UNC80: variants seen among roughly 807,000 people sequenced by gnomAD.
UNC80 encodes unc-80 subunit of NALCN channel complex.
Under a neutral mutation model 384.6 loss-of-function variants are expected in UNC80, and 164 were observed. The observed-to-expected ratio is 0.43, with a 90% CI of 0.38 to 0.49. UNC80 has a LOEUF of 0.49. UNC80 is among the 20% of genes least tolerant of loss of function. The pLI is 0.00. For synonymous variants in UNC80, 1,486 were observed against 1,527.8 expected, an observed-to-expected ratio of 0.97 and a Z score of 0.64; for missense variants, 3,330 against 4,143.0, an observed-to-expected ratio of 0.80 and a Z score of 5.39.
At chr2:209,912,011 A>G (rs1186605512) in intron 29 of UNC80, among the ~76,000 whole-genome samples, 1 of 152,194 alleles carries the variant, frequency 6.6e-6, no homozygotes, top group Non-Finnish European at 1.5e-5. Context: ...TTGATAATGG[A>G]TACTATGAAC....
At chr2:209,993,524 C>CCTCCCCAAAGGTGTGCTT in intron 63 of UNC80, 98 bp downstream of exon 63, 1 of 1,002,706 alleles carries the variant, frequency 1.0e-6, no homozygotes, top group Non-Finnish European at 1.5e-6. Flanking sequence ...GAGATAAGCA[C>CCTCCCCAAAGGTGTGCTT]ACCTTTGGGG....
intron 31 of UNC80, among the ~76,000 whole-genome samples, chr2:209,914,649 C>G (rs2089316900): frequency 7.8e-6 from 1 of 128,406 alleles, no homozygotes; most frequent in Non-Finnish European, 1.6e-5. Context: ...CTAGGGTAAA[C>G]TGTGTGTGTG....
intron 21 of UNC80, among the ~76,000 whole-genome samples, chr2:209,849,234 T>C (rs932702782): frequency 3.3e-5 from 5 of 152,106 alleles, no homozygotes; most frequent in Non-Finnish European, 5.9e-5. Flanking sequence ...TTAGGTAAAA[T>C]CTTACATTTT....
chr2:209,897,217 T>C (rs950933803), intron 28 of UNC80, among the ~76,000 whole-genome samples: 3 of 152,144 alleles, frequency 2.0e-5, no homozygotes, highest in African/African-American at 7.2e-5. Context: ...CTGAAAAGCA[T>C]ACTAAACCTA....
At chr2:209,988,404 C>A (rs781137280) in intron 61 of UNC80, among the ~76,000 whole-genome samples, 2 of 152,130 alleles carry the variant, frequency 1.3e-5, no homozygotes, top group Non-Finnish European at 2.9e-5. Context: ...ATACTTCAAT[C>A]TATAATTTTT....
intron 47 of UNC80, among the ~76,000 whole-genome samples, chr2:209,952,813 G>T (rs561498367): frequency 1.3e-5 from 2 of 152,102 alleles, no homozygotes; most frequent in African/African-American, 4.8e-5. Flanking sequence ...AAGCAGAACC[G>T]ACTTCTTGCC....
chr2:209,809,563 T>C (rs2079183077), intron 7 of UNC80: 5 of 884,984 alleles, frequency 5.6e-6, no homozygotes, highest in Non-Finnish European at 9.3e-6. Flanking sequence ...GTCGGGCTGC[T>C]CAGGGGGCCC....
In UNC80 at chr2:209,872,790, C is replaced by T; in HGVS notation, c.3660C>T (p.Phe1220=). 6.4e-7 allele frequency: 1 copy of T among 1,551,476 alleles called. No individual in the cohort carries two copies. Among genetic ancestry groups the T allele is most frequent in the Non-Finnish European group, 8.7e-7 (1 of 1,146,826 alleles). The part of the protein sequence containing the change: ...EAPVVARAAL[F]LECARFVHRC... ...CTGTGGTGGCCAGAGCAGCCTTGTT[C>T]CTGGAATGTGCTCGTTTTGTTCACC... Residue 1220 remains phenylalanine, a synonymous_variant, in exon 23 of 65, where the codon TTC becomes TTT. Transcript: ENST00000673920. The surrounding 1 kb of genome is among the most constrained non-coding windows in gnomAD (Gnocchi z 4.1).
In UNC80 at chr2:209,777,532, G is replaced by C. The variant is rs923500301; in HGVS notation, c.573G>C (p.Leu191=). ...CTACTGTGGAGCTCTTCGTGTTTCT[G>C]TTTGCTCCCCTGGTACACAGGATCA... ...SMATVELFVF[L]FAPLVHRIKE... Residue 191 remains leucine, a synonymous_variant, in exon 4 of 65, where the codon CTG becomes CTC. Transcript: ENST00000673920. The C allele has an allele frequency of 6.2e-7, 1 of 1,612,742 alleles. No homozygotes were observed. The highest frequency in any genetic ancestry group is 8.5e-7 in the Non-Finnish European group (1 of 1,179,242).
chr2:209,894,651 G>A (rs984154573), intron 27 of UNC80, among the ~76,000 whole-genome samples: 57 of 152,164 alleles, frequency 3.7e-4, no homozygotes, highest in Non-Finnish European at 6.8e-4. Context: ...GCTTTCTGGT[G>A]GAGCCGATGC....
intron 51 of UNC80, among the ~76,000 whole-genome samples, chr2:209,964,702 C>A (rs1220780522): frequency 6.7e-6 from 1 of 150,172 alleles, no homozygotes; most frequent in Non-Finnish European, 1.5e-5. Flanking sequence ...GCAGGAGAAT[C>A]GCTTGTACCG....
Position 209,820,340 on chromosome 2 carries a change from T to C in UNC80, c.1992T>C (p.Leu664=). The change falls in exon 13 of 65, where the codon CTT becomes CTC. Residue 664 remains leucine, a synonymous_variant. Coordinates refer to ENST00000673920, the MANE Select transcript of UNC80 (RefSeq NM_001371986.1). ...SVVLKAVYLV[L]NHDISSRICD... The stretch of plus-strand genomic sequence containing the variant: ...TTCTGAAGGCTGTTTATCTTGTCCT[T>C]AATCATGACATCAGCTCTCGTATCT... 2 of 1,549,228 alleles carry C rather than the reference T, an allele frequency of 1.3e-6. No individual in the cohort carries two copies. Among genetic ancestry groups the C allele is most frequent in the Non-Finnish European group, 1.7e-6 (2 of 1,146,050 alleles).
At chr2:209,967,921 C>A (rs1289810263) in intron 52 of UNC80, 1 of 235,322 alleles carries the variant, frequency 4.2e-6, no homozygotes, top group Non-Finnish European at 8.2e-6. Flanking sequence ...CAATTAGTAC[C>A]CTTTAATCCC....
chr2:209,795,008 T>G (rs556805869), intron 7 of UNC80: 3 of 305,966 alleles, frequency 9.8e-6, no homozygotes, highest in Non-Finnish European at 1.9e-5. Flanking sequence ...AGGCAGAGAT[T>G]GGAACAGTTT....
intron 61 of UNC80, among the ~76,000 whole-genome samples, chr2:209,986,365 G>T (rs913377339): frequency 6.6e-6 from 1 of 152,196 alleles, no homozygotes; most frequent in Non-Finnish European, 1.5e-5. Flanking sequence ...GTAAGGATTG[G>T]TGAGAGAAGG....
intron 61 of UNC80, among the ~76,000 whole-genome samples, chr2:209,987,415 TG>T (rs1274286424): frequency 6.6e-6 from 1 of 152,250 alleles, no homozygotes; most frequent in African/African-American, 2.4e-5. Flanking sequence ...ATTAATAAGA[TG>T]AAATCATATT....
intron 50 of UNC80, 28 bp from the exon 51 acceptor site, chr2:209,959,461 C>T (rs984099339): frequency 1.9e-6 from 3 of 1,544,418 alleles, no homozygotes; most frequent in Non-Finnish European, 2.6e-6. Flanking sequence ...ATTTTCAGAC[C>T]CCTAGTTAAT....
At chr2:209,964,242 T>C (rs1191900320) in intron 51 of UNC80, among the ~76,000 whole-genome samples, 1 of 147,182 alleles carries the variant, frequency 6.8e-6, no homozygotes, top group African/African-American at 2.6e-5. Context: ...TCAGTGGATC[T>C]GTGCAGTGAC....
At position 209,941,284 on chromosome 2, in the gene UNC80, A is replaced by C. The variant is rs1435517335; in HGVS notation, c.6710A>C (p.Glu2237Ala). 2 of 1,541,484 alleles carry C rather than the reference A, an allele frequency of 1.3e-6. No individual in the cohort carries two copies. The highest frequency in any genetic ancestry group is 1.8e-6 in the Non-Finnish European group (2 of 1,138,462). Residue 2237 changes from glutamate (E) to alanine (A), a missense_variant, in exon 44 of 65, where the codon GAA becomes GCA. By Grantham distance (107) the Glu-to-Ala change is moderately radical (BLOSUM62 -1). This residue lies in a region of UNC80 where 1,049 missense variants were observed against 1,488.6 expected (regional missense o/e 0.70). Coordinates refer to ENST00000673920, the MANE Select transcript of UNC80 (RefSeq NM_001371986.1). Reference protein sequence around the residue: ...QKSLWIQLLEEMFLGMPSEFP... With the variant: ...QKSLWIQLLEAMFLGMPSEFP... ...AGCTTGTGGATCCAGCTGCTGGAGG[A>C]AATGTTCCTGGGCATGCCGAGCGAG...
Sources: allele counts gnomAD v4.1 joint callset (sites outside exome capture counted in the v4.1 genomes callset), GRCh38; gene constraint gnomAD v4.1.1; regional missense constraint gnomAD v4.1.1; non-coding constraint Gnocchi (gnomAD v3.1); transcripts MANE v1.5; gene names NCBI Gene and HGNC (gene_info 2026-07-23, HGNC 2026-07-21).